ILDR1: variants seen among roughly 807,000 people sequenced by gnomAD.
ILDR1 encodes immunoglobulin like domain containing receptor 1.
A neutral mutation model predicts 62.4 loss-of-function variants in ILDR1; 56 were observed. That is an observed-to-expected ratio of 0.90 (90% CI 0.72 to 1.12). ILDR1 has a LOEUF of 1.12. Among genes scored for constraint, ILDR1 ranks in the 50% most tolerant of loss-of-function variants. The probability of loss-of-function intolerance (pLI) is 0.00; values close to 1 mark genes in which losing one functional copy is unlikely to be tolerated. For synonymous variants in ILDR1, 284 were observed against 277.8 expected (o/e 1.02, Z -0.22); for missense variants, 736 against 710.6 (o/e 1.04, Z -0.41).
At chr3:122,034,840 A>G in the ILDR1 span, among the ~76,000 whole-genome samples, 1 of 152,184 alleles carries the variant, frequency 6.6e-6, no homozygotes, top group Non-Finnish European at 1.5e-5. Context: ...CAGCAGGCAA[A>G]GAGAGAGCTG....
chr3:121,996,193 G>T (rs548167917), intron 5 of ILDR1, among the ~76,000 whole-genome samples: 36 of 152,230 alleles, frequency 2.4e-4, no homozygotes, highest in African/African-American at 8.2e-4. Context: ...CACTCCTCCT[G>T]CTTCCTTCAA....
rs773543820 is a variant in ILDR1 at position 122,007,064 on chromosome 3, C to G, written c.156G>C (p.Gln52His). The G allele has an allele frequency of 6.8e-6, 11 of 1,613,998 alleles. No individual in the cohort carries two copies. Among genetic ancestry groups the G allele is most frequent in the Non-Finnish European group, 8.5e-6 (10 of 1,180,028 alleles). Residue 52 changes from glutamine (Q) to histidine (H), a missense_variant, in exon 2 of 8, where the codon CAG becomes CAC. Coordinates refer to ENST00000344209, the MANE Select transcript of ILDR1 (RefSeq NM_001199799.2). The stretch of plus-strand genomic sequence containing the variant: ...GCCATGTCACCACCACGTCCTGGAG[C>G]TGGGCAGAGGTGGTGTAGTCACATT... ...ILKCDYTTSA[Q>H]LQDVVVTWRF... is the part of the protein sequence containing the mutation.
the ILDR1 span, among the ~76,000 whole-genome samples, chr3:122,033,167 CT>C: frequency 3.9e-4 from 60 of 152,256 alleles, 1 homozygote; most frequent in East Asian, 0.01. Flanking sequence ...AGCTAACAGT[CT>C]TTTCAATTAT....
chr3:122,058,333 A>T, the ILDR1 span, among the ~76,000 whole-genome samples: 62 of 152,220 alleles, frequency 4.1e-4, no homozygotes, highest in Non-Finnish European at 4.4e-5. Flanking sequence ...GGACAAGGCC[A>T]GCCTCCAGGG....
the ILDR1 span, among the ~76,000 whole-genome samples, chr3:122,047,977 A>G: frequency 6.6e-6 from 1 of 152,244 alleles, no homozygotes; most frequent in South Asian, 2.1e-4. Context: ...TGGCTAGGGC[A>G]TCCAGCACTG....
chr3:122,031,748 T>C, the ILDR1 span, among the ~76,000 whole-genome samples: 2 of 152,210 alleles, frequency 1.3e-5, no homozygotes, highest in African/African-American at 4.8e-5. Flanking sequence ...ATCTTGATCT[T>C]GGACTTCACA....
the ILDR1 span, among the ~76,000 whole-genome samples, chr3:122,049,002 T>G: frequency 6.6e-6 from 1 of 152,228 alleles, no homozygotes; most frequent in Non-Finnish European, 1.5e-5. Context: ...TTATTTAACA[T>G]GTAGGGTTAG....
chr3:122,014,387 T>C (rs1343574550), intron 1 of ILDR1, among the ~76,000 whole-genome samples: 3 of 152,220 alleles, frequency 2.0e-5, no homozygotes, highest in African/African-American at 4.8e-5. Flanking sequence ...TTTGTGACTT[T>C]TTCTTCAAAC....
the ILDR1 span, among the ~76,000 whole-genome samples, chr3:122,047,714 G>C: frequency 6.6e-6 from 1 of 152,248 alleles, no homozygotes; most frequent in African/African-American, 2.4e-5. Context: ...GACTCAGAAA[G>C]GGAACTCCCT....
At chr3:122,023,569 C>T (rs2071895125), upstream of ILDR1, among the ~76,000 whole-genome samples, 1 of 152,150 alleles carries the variant, frequency 6.6e-6, no homozygotes, top group Non-Finnish European at 1.5e-5. Flanking sequence ...TTTCATTTCG[C>T]CTCTACCCAG....
Position 121,993,212 on chromosome 3 carries a change from G to A in ILDR1, c.1537C>T (p.Arg513Cys), listed in dbSNP as rs767668911. ...TTGCCTGGAGTGATATCAAGTGAGC[G>A]GTAGCTAGGCGGCTTCTCCTCGGGC... is the stretch of plus-strand genomic sequence containing the variant. ...HWPEEKPPSY[R>C]SLDITPGKNS... The change falls in exon 7 of 8, where the codon CGC becomes TGC. Residue 513 changes from arginine (R) to cysteine (C), a missense_variant. Transcript: ENST00000344209. The A allele has an allele frequency of 5.6e-6, 9 of 1,613,792 alleles. No individual in the cohort carries two copies. The highest frequency in any genetic ancestry group is 3.3e-5 in the Admixed American group (2 of 59,984).
chr3:122,046,287 C>A, the ILDR1 span, among the ~76,000 whole-genome samples: 13 of 149,774 alleles, frequency 8.7e-5, no homozygotes, highest in Non-Finnish European at 1.7e-4. Flanking sequence ...CCGAGAGATC[C>A]GCTGTTAGTC....
the ILDR1 span, among the ~76,000 whole-genome samples, chr3:122,040,723 C>CAAAAAAAA: frequency 3.1e-5 from 2 of 65,384 alleles, no homozygotes; most frequent in Non-Finnish European, 6.5e-5. Flanking sequence ...AATCCAGATG[C>CAAAAAAAA]AAAAAAAAAA....
In ILDR1 at chr3:122,001,302, T is replaced by C. The variant is rs747091345; in HGVS notation, c.646+6A>G. 9 of 1,614,100 alleles carry C rather than the reference T, an allele frequency of 5.6e-6. No homozygotes were observed. Among genetic ancestry groups the C allele is most frequent in the Non-Finnish European group, 7.6e-6 (9 of 1,180,004 alleles). On this transcript the variant is annotated splice_donor_region_variant and intron_variant, in intron 5 of 7. Transcript: ENST00000344209. ...TCCATTCCACTGCTTGTCTGTCCCC[T>C]CTCACCTTCCTCAGGACAGCAGCAG... is the stretch of plus-strand genomic sequence containing the variant.
the ILDR1 span, among the ~76,000 whole-genome samples, chr3:122,030,424 T>C: frequency 3.3e-5 from 5 of 152,034 alleles, no homozygotes; most frequent in Admixed American, 2.6e-4. Context: ...TTCCCTGTCA[T>C]TGCCACTTGC....
the ILDR1 span, among the ~76,000 whole-genome samples, chr3:122,034,151 G>A: frequency 1.3e-5 from 2 of 152,080 alleles, no homozygotes; most frequent in African/African-American, 2.4e-5. Context: ...AAATAGTATT[G>A]TTTAATTTTT....
intron 1 of ILDR1, among the ~76,000 whole-genome samples, chr3:122,009,480 G>A (rs1277871012): frequency 6.6e-6 from 1 of 152,176 alleles, no homozygotes; most frequent in African/African-American, 2.4e-5. Flanking sequence ...TGAAGATGAT[G>A]ATAGTGCTAG....
the ILDR1 span, among the ~76,000 whole-genome samples, chr3:122,038,578 C>G: frequency 6.6e-6 from 1 of 152,140 alleles, no homozygotes; most frequent in Non-Finnish European, 1.5e-5. Flanking sequence ...ACACGTCTAA[C>G]TTGCAACAAA....
chr3:122,044,686 T>C, the ILDR1 span, among the ~76,000 whole-genome samples: 4,844 of 150,826 alleles, frequency 0.032, 233 homozygotes, highest in African/African-American at 0.11. Flanking sequence ...TTCTTCTAGA[T>C]TTTCTAGTTT....
Sources: allele counts gnomAD v4.1 joint callset (sites outside exome capture counted in the v4.1 genomes callset), GRCh38; gene constraint gnomAD v4.1.1; transcripts MANE v1.5; gene names NCBI Gene and HGNC (gene_info 2026-07-23, HGNC 2026-07-21).